The following ZNF248 variants were observed in gnomAD, a reference collection of about 807,000 sequenced individuals.
The protein encoded by ZNF248 is zinc finger protein 248.
A neutral mutation model predicts 44.3 loss-of-function variants in ZNF248; 20 were observed. The observed-to-expected ratio is 0.45, with a 90% CI of 0.32 to 0.66. The LOEUF is 0.66. Among genes scored for constraint, ZNF248 ranks in the 30% least tolerant of loss-of-function variants. ZNF248 has a pLI of 0.04. For synonymous variants in ZNF248, 224 were observed against 229.0 expected (o/e 0.98, Z 0.20); for missense variants, 654 against 677.0 (o/e 0.97, Z 0.38).
chr10:37,790,941 G>A (rs936566201), intron 6 of ZNF248, among the ~76,000 whole-genome samples: 11 of 142,280 alleles, frequency 7.7e-5, no homozygotes, highest in Non-Finnish European at 1.5e-4. Context: ...AAAAAAAAGT[G>A]TACTAGAAGT....
the ZNF248 span, among the ~76,000 whole-genome samples, chr10:37,759,322 T>C: frequency 6.6e-6 from 1 of 152,092 alleles, no homozygotes; most frequent in Non-Finnish European, 1.5e-5. Flanking sequence ...CTTCTGAGAG[T>C]ATGATGGAAG....
chr10:37,802,623 A>G (rs1287846932), intron 6 of ZNF248, among the ~76,000 whole-genome samples: 1 of 152,220 alleles, frequency 6.6e-6, no homozygotes, highest in Non-Finnish European at 1.5e-5. Flanking sequence ...CTGGAAAAAA[A>G]TGCCCTGGCT....
chr10:37,820,735 C>G, intron 6 of ZNF248: 1 of 1,317,956 alleles, frequency 7.6e-7, no homozygotes, highest in Non-Finnish European at 1.1e-6. Flanking sequence ...TGCACAAGCT[C>G]TGGTTGGAAG....
At chr10:37,765,386 T>C in the ZNF248 span, among the ~76,000 whole-genome samples, 1 of 152,186 alleles carries the variant, frequency 6.6e-6, no homozygotes, top group Non-Finnish European at 1.5e-5. Context: ...AGGAAAAAAG[T>C]TTCAGCATCC....
the ZNF248 span, among the ~76,000 whole-genome samples, chr10:37,770,159 G>A: frequency 6.6e-6 from 1 of 152,146 alleles, no homozygotes; most frequent in Non-Finnish European, 1.5e-5. Flanking sequence ...CCATGCTCAT[G>A]GGTAGGAAGA....
At position 37,833,079 on chromosome 10, in the gene ZNF248, G is replaced by A. The variant is rs145813644; in HGVS notation, c.276C>T (p.Ser92=). The change falls in exon 6 of 6, where the codon AGC becomes AGT. Residue 92 remains serine, a synonymous_variant. Transcript: ENST00000395867. ...AAAAATGGTCATCTTCATTTTCCTGGCTGCTCTCTAACACGTCATCAACTT... is the reference window on the plus strand; with the variant it reads ...AAAAATGGTCATCTTCATTTTCCTGACTGCTCTCTAACACGTCATCAACTT... ...KWKVDDVLES[S]QENEDDHFWE... 293 of 1,609,516 alleles carry A rather than the reference G, an allele frequency of 1.8e-4. 1 individual carries two copies. Among genetic ancestry groups the A allele is most frequent in the Admixed American group, 1.8e-3 (107 of 59,036 alleles).
chr10:37,839,250 A>C (rs898084821), intron 3 of ZNF248, among the ~76,000 whole-genome samples: 2 of 152,210 alleles, frequency 1.3e-5, no homozygotes, highest in African/African-American at 4.8e-5. Flanking sequence ...AGAGGAGTTA[A>C]GTGTGTTCTG....
chr10:37,794,442 T>C (rs1436169072), intron 6 of ZNF248: 1 of 161,136 alleles, frequency 6.2e-6, no homozygotes. Flanking sequence ...ATCTGTTCTC[T>C]GATGTAGTGT....
chr10:37,856,743 T>C (rs994164198), intron 1 of ZNF248: 3 of 986,864 alleles, frequency 3.0e-6, no homozygotes, highest in African/African-American at 1.7e-5. Flanking sequence ...GGATGTTAAA[T>C]GCAAGTTTAA....
chr10:37,814,182 C>G (rs957749806), intron 6 of ZNF248, among the ~76,000 whole-genome samples: 2 of 151,930 alleles, frequency 1.3e-5, no homozygotes, highest in African/African-American at 4.8e-5. Context: ...TGTGTGTTCT[C>G]TACAGCTGTT....
At chr10:37,855,438 T>C (rs1461347757) in intron 3 of ZNF248, among the ~76,000 whole-genome samples, 2 of 143,868 alleles carry the variant, frequency 1.4e-5, no homozygotes, top group Non-Finnish European at 3.1e-5. Flanking sequence ...AAGCACTTTA[T>C]TAAGGAAAAA....
chr10:37,805,468 G>T (rs1490500174), intron 6 of ZNF248, among the ~76,000 whole-genome samples: 2 of 152,096 alleles, frequency 1.3e-5, no homozygotes, highest in African/African-American at 4.8e-5. Context: ...TACATAATTA[G>T]GGACTTTCCA....
intron 3 of ZNF248, among the ~76,000 whole-genome samples, chr10:37,849,618 T>C (rs961833437): frequency 4.8e-5 from 7 of 145,532 alleles, no homozygotes; most frequent in Admixed American, 4.8e-4. Flanking sequence ...ACCCGGGAGG[T>C]GGAGCTTGCA....
chr10:37,772,791 C>G (rs532325200), downstream of ZNF248, among the ~76,000 whole-genome samples: 1 of 152,346 alleles, frequency 6.6e-6, no homozygotes, highest in South Asian at 2.1e-4. Flanking sequence ...TCCTTGAAGT[C>G]AGCTCTTTCA....
rs762177644 is a variant in ZNF248, at chr10:37,832,623, A to G, written c.732T>C (p.Tyr244=). The G allele has an allele frequency of 2.4e-5, 39 of 1,613,394 alleles. No individual in the cohort carries two copies. The highest frequency in any genetic ancestry group is 3.3e-5 in the Non-Finnish European group (39 of 1,179,912). The change falls in exon 6 of 6, where the codon TAT becomes TAC. Residue 244 remains tyrosine, a synonymous_variant. Coordinates refer to ENST00000395867, the MANE Select transcript of ZNF248 (RefSeq NM_021045.3). ...CAATGAAGGTTCTTCCACATTCGTTATATTTACAGACTGTCTCTCCTATCT... is the reference window on the plus strand; with the variant it reads ...CAATGAAGGTTCTTCCACATTCGTTGTATTTACAGACTGTCTCTCCTATCT... ...RSQIGETVCK[Y]NECGRTFIES...
At chr10:37,777,589 GT>G (rs1355438916) in intron 6 of ZNF248, among the ~76,000 whole-genome samples, 1 of 149,798 alleles carries the variant, frequency 6.7e-6, no homozygotes, top group Non-Finnish European at 1.5e-5. Flanking sequence ...CATTGTGCAG[GT>G]TAGTTACATA....
chr10:37,771,893 C>A (rs1202572949), downstream of ZNF248, among the ~76,000 whole-genome samples: 1 of 152,158 alleles, frequency 6.6e-6, no homozygotes, highest in Admixed American at 6.5e-5. Flanking sequence ...AGTTCATTCA[C>A]AAATCACAAA....
At chr10:37,823,259 GGGAGGC>G (rs1214976122) in intron 6 of ZNF248, among the ~76,000 whole-genome samples, 1 of 146,422 alleles carries the variant, frequency 6.8e-6, no homozygotes, top group Non-Finnish European at 1.5e-5. Flanking sequence ...GCTTGAACCT[GGGAGGC>G]GGAGGTTGCA....
intron 6 of ZNF248, among the ~76,000 whole-genome samples, chr10:37,797,041 C>T (rs2049243871): frequency 6.6e-6 from 1 of 151,938 alleles, no homozygotes; most frequent in African/African-American, 2.4e-5. Context: ...CTGATTTAAT[C>T]CTCACAACCC....
Sources: allele counts gnomAD v4.1 joint callset (sites outside exome capture counted in the v4.1 genomes callset), GRCh38; gene constraint gnomAD v4.1.1; transcripts MANE v1.5; gene names NCBI Gene and HGNC (gene_info 2026-07-23, HGNC 2026-07-21).